Variants in ZNF831 observed in about 807,000 individuals in gnomAD.
ZNF831 encodes the protein zinc finger protein 831.
ZNF831 carries 59 observed loss-of-function variants against 95.8 expected under a neutral mutation model. The ratio of observed to expected loss-of-function variants is 0.62; its 90% confidence interval spans 0.50 to 0.77. The LOEUF (loss-of-function observed/expected upper bound fraction) is 0.77, where lower values mean the gene tolerates loss of function less well. ZNF831 is among the 30% of genes least tolerant of loss of function. The pLI is 0.00. For missense variants in ZNF831, 2,205 were observed against 2,164.0 expected (o/e 1.02, Z -0.38); for synonymous variants, 961 against 925.5 (o/e 1.04, Z -0.70).
At chr20:59,157,546 G>A (rs1252303259) in intron 2 of ZNF831, among the ~76,000 whole-genome samples, 2 of 152,162 alleles carry the variant, frequency 1.3e-5, no homozygotes, top group African/African-American at 4.8e-5. Context: ...CAGAGTGAAA[G>A]GTCATAGGCC....
In ZNF831 at chr20:59,192,916, C is replaced by G. The variant is rs2146574129; in HGVS notation, c.1897C>G (p.Gln633Glu). The G allele has an allele frequency of 6.2e-7, 1 of 1,600,196 alleles. No homozygotes were observed. Among genetic ancestry groups the G allele is most frequent in the Non-Finnish European group, 8.5e-7 (1 of 1,173,810 alleles). The change falls in exon 2 of 6, where the codon CAG becomes GAG. Residue 633 changes from glutamine (Q) to glutamate (E), a missense_variant. Gln to Glu is a conservative substitution (Grantham distance 29, BLOSUM62 2). Transcript: ENST00000371030. The surrounding 1 kb of genome is among the most constrained non-coding windows in gnomAD (Gnocchi z 5.2). ...GGATGAGACGTTCAAAAGGATCTAC[C>G]AGAAAATGAAAGCCAGTCCCCATGG... is the stretch of plus-strand genomic sequence containing the variant. The part of the protein sequence containing the change: ...YGDETFKRIY[Q>E]KMKASPHGGK...
Position 59,194,446 on chromosome 20 carries a change from G to A in ZNF831, c.3427G>A (p.Val1143Met), listed in dbSNP as rs1983918033. ...CACTGCCCTCACTCGGCCTCAGGGT[G>A]TGCCCCCAGGCTGGCCAGAGCTGGC... ...FLTALTRPQG[V>M]PPGWPELALS... Residue 1143 changes from valine (V) to methionine (M), a missense_variant, in exon 2 of 6, where the codon GTG becomes ATG. Physicochemically the swap from Val to Met is conservative, Grantham distance 21 (BLOSUM62 1). Transcript: ENST00000371030. 1 of 1,612,974 alleles carries A rather than the reference G, an allele frequency of 6.2e-7. No homozygotes were observed. The highest frequency in any genetic ancestry group is 8.5e-7 in the Non-Finnish European group (1 of 1,179,762).
Position 59,192,139 on chromosome 20 carries a change from G to A in ZNF831, c.1120G>A (p.Glu374Lys), listed in dbSNP as rs1011172094. The A allele has an allele frequency of 6.4e-7, 1 of 1,566,400 alleles. No homozygotes were observed. Among genetic ancestry groups the A allele is most frequent in the East Asian group, 2.3e-5 (1 of 44,028 alleles). ...HSLSEHSAES[E>K]GEGGPGPGPG... is the part of the protein sequence containing the mutation. The stretch of plus-strand genomic sequence containing the variant: ...CCTTTCGGAGCACAGCGCCGAGTCC[G>A]AGGGGGAGGGCGGCCCGGGCCCGGG... The change falls in exon 2 of 6, where the codon GAG (glutamate) becomes AAG (lysine). Residue 374 changes from glutamate (E) to lysine (K), a missense_variant. By Grantham distance (56) the Glu-to-Lys change is moderately conservative. Coordinates refer to ENST00000371030, the MANE Select transcript of ZNF831 (RefSeq NM_178457.3). This position sits in a 1 kb window ranked among gnomAD's most constrained non-coding sequence, Gnocchi z 5.2.
At chr20:59,253,869 C>CGGGGGGGGGG in intron 5 of ZNF831, 29 bp from the exon 6 acceptor site, 1 of 1,067,576 alleles carries the variant, frequency 9.4e-7, no homozygotes. Flanking sequence ...TCCCCCCCCA[C>CGGGGGGGGGG]TTTTTTTTTC....
At chr20:59,187,374 C>T (rs570006165) in intron 1 of ZNF831, among the ~76,000 whole-genome samples, 11 of 151,970 alleles carry the variant, frequency 7.2e-5, no homozygotes, top group East Asian at 1.9e-4. Context: ...CTGGTCTTTC[C>T]GTGATGTGAG....
At chr20:59,222,954 A>AC (rs980253920) in intron 4 of ZNF831, among the ~76,000 whole-genome samples, 2 of 151,576 alleles carry the variant, frequency 1.3e-5, no homozygotes, top group African/African-American at 4.8e-5. Context: ...ATCGGCTGGG[A>AC]CCCCCCGCTG....
chr20:59,138,099 C>T (rs1248333407), intron 1 of ZNF831, among the ~76,000 whole-genome samples: 1 of 152,228 alleles, frequency 6.6e-6, no homozygotes, highest in Non-Finnish European at 1.5e-5. Context: ...TATTTTAAAA[C>T]TGTGATTAAC....
In ZNF831 at chr20:59,256,511, T is replaced by C. The variant is rs1988195381; in HGVS notation, c.*1768T>C. On this transcript the variant is annotated 3_prime_UTR_variant, in exon 6 of 6. Coordinates refer to ENST00000371030, the MANE Select transcript of ZNF831 (RefSeq NM_178457.3). ...AATGGTCTGAGCCTTGGATGGAGATTGAAGTCCTGACTTTAGCTGGGAAAT... is the reference window on the plus strand; with the variant it reads ...AATGGTCTGAGCCTTGGATGGAGATCGAAGTCCTGACTTTAGCTGGGAAAT... 1 of 152,232 alleles carries C rather than the reference T, an allele frequency of 6.6e-6. No individual in the cohort carries two copies. The highest frequency in any genetic ancestry group is 2.4e-5 in the African/African-American group (1 of 41,466). The allele number at this position is 152,232 out of a possible 1,614,324, so 9.4% of individuals were successfully genotyped here. A position where few individuals can be genotyped will look rare whatever the true frequency, so the allele number is the denominator to read the frequency against.
intron 2 of ZNF831, among the ~76,000 whole-genome samples, chr20:59,155,250 C>A (rs1389501480): frequency 1.3e-5 from 2 of 152,170 alleles, no homozygotes; most frequent in East Asian, 3.8e-4. Flanking sequence ...AAAGGCAAAA[C>A]CTCTCAGAAG....
Position 59,193,231 on chromosome 20 carries a change from G to C in ZNF831, c.2212G>C (p.Asp738His), listed in dbSNP as rs1221233795. 1 of 1,598,192 alleles carries C rather than the reference G, an allele frequency of 6.3e-7. No individual in the cohort carries two copies. The highest frequency in any genetic ancestry group is 8.5e-7 in the Non-Finnish European group (1 of 1,172,298). ...AVSSPALGGR[D>H]SPCSGSRSPL... ...GTCATCCCCTGCACTGGGTGGCAGA[G>C]ACAGTCCCTGTTCAGGCAGTAGGAG... The change falls in exon 2 of 6, where the codon GAC (aspartate) becomes CAC (histidine). Residue 738 changes from aspartate to histidine, a missense_variant. Transcript: ENST00000371030.
Position 59,191,283 on chromosome 20 carries a change from C to T in ZNF831, c.264C>T (p.Pro88=). Residue 88 remains proline, a synonymous_variant, in exon 2 of 6, where the codon CCC becomes CCT. Transcript: ENST00000371030. ...VTGSLDGGNV[P]FILSPVLQPE... Reference sequence around the variant, plus strand: ...GCAGCCTAGATGGGGGCAACGTGCCCTTCATACTCAGCCCTGTGCTGCAGC... The same window carrying T: ...GCAGCCTAGATGGGGGCAACGTGCCTTTCATACTCAGCCCTGTGCTGCAGC... 1.3e-6 allele frequency: 2 copies of T among 1,574,928 alleles called. No homozygotes were observed. The highest frequency in any genetic ancestry group is 1.7e-6 in the Non-Finnish European group (2 of 1,160,668).
intron 2 of ZNF831, among the ~76,000 whole-genome samples, chr20:59,156,917 A>T (rs940970097): frequency 3.9e-5 from 6 of 152,198 alleles, no homozygotes; most frequent in African/African-American, 1.4e-4. Context: ...ATTCTTTAAA[A>T]TTTTATTTTA....
At chr20:59,145,761 G>C (rs952746270) in intron 1 of ZNF831, among the ~76,000 whole-genome samples, 1 of 152,196 alleles carries the variant, frequency 6.6e-6, no homozygotes, top group Non-Finnish European at 1.5e-5. Flanking sequence ...CATTCCCAAA[G>C]CTGGGGGAGT....
intron 3 of ZNF831, among the ~76,000 whole-genome samples, chr20:59,201,292 A>C (rs1568765150): frequency 6.6e-6 from 1 of 152,122 alleles, no homozygotes; most frequent in African/African-American, 2.4e-5. Context: ...TCTCTGGCGA[A>C]GTGTCTCTTC....
intron 4 of ZNF831, among the ~76,000 whole-genome samples, 189 bp from the exon 5 acceptor site, chr20:59,252,789 T>C (rs1414571704): frequency 6.6e-6 from 1 of 151,980 alleles, no homozygotes; most frequent in Non-Finnish European, 1.5e-5. Flanking sequence ...CCTTCCTTCA[T>C]AGAGTGGATA....
intron 4 of ZNF831, among the ~76,000 whole-genome samples, chr20:59,212,818 T>TTC (rs1294793218): frequency 9.9e-5 from 15 of 152,218 alleles, no homozygotes; most frequent in Admixed American, 9.8e-4. Context: ...CCCCATTCAA[T>TTC]TCTCTCTCTC....
chr20:59,137,412 A>G (rs1461119498), intron 1 of ZNF831, among the ~76,000 whole-genome samples: 1 of 152,086 alleles, frequency 6.6e-6, no homozygotes, highest in Non-Finnish European at 1.5e-5. Flanking sequence ...AGGGAGTGCC[A>G]AGATGTTACT....
chr20:59,211,269 C>T (rs918146474), intron 4 of ZNF831, among the ~76,000 whole-genome samples: 3 of 152,118 alleles, frequency 2.0e-5, no homozygotes, highest in Non-Finnish European at 4.4e-5. Flanking sequence ...CCAGTTGAAC[C>T]AGGGGCCTAG....
At chr20:59,129,492 G>A (rs551205600) in intron 1 of ZNF831, among the ~76,000 whole-genome samples, 31 of 152,206 alleles carry the variant, frequency 2.0e-4, no homozygotes, top group Admixed American at 4.6e-4. Context: ...ATGTGGTGGC[G>A]GGCGCCTGTA....
Sources: allele counts gnomAD v4.1 joint callset (sites outside exome capture counted in the v4.1 genomes callset), GRCh38; gene constraint gnomAD v4.1.1; non-coding constraint Gnocchi (gnomAD v3.1); transcripts MANE v1.5; gene names NCBI Gene and HGNC (gene_info 2026-07-23, HGNC 2026-07-21).